ADGRG4: variants seen among roughly 807,000 people sequenced by gnomAD.
ADGRG4 encodes the protein G protein-coupled receptor 112.
ADGRG4 carries 122 observed loss-of-function variants against 126.2 expected under a neutral mutation model. That is an observed-to-expected ratio of 0.97 (90% CI 0.83 to 1.12). ADGRG4 has a LOEUF of 1.12. Ranked by LOEUF, ADGRG4 falls within the 50% of genes most tolerant of loss-of-function variation. ADGRG4 has a pLI of 0.00. For missense variants in ADGRG4, 2,481 were observed against 2,251.8 expected (o/e 1.10, Z -2.06); for synonymous variants, 943 against 838.7 (o/e 1.12, Z -2.15).
chrX:136,400,952 G>A (rs2075376439), intron 21 of ADGRG4, among the ~76,000 whole-genome samples: 1 of 111,922 alleles, frequency 8.9e-6, no homozygotes, highest in Non-Finnish European at 1.9e-5. Context: ...AGATGTGTAG[G>A]AGATGTATAT....
intron 5 of ADGRG4, among the ~76,000 whole-genome samples, chrX:136,326,504 T>A (rs1335057680): frequency 8.9e-6 from 1 of 111,795 alleles, no homozygotes. Flanking sequence ...CCTCCCACCG[T>A]ACAGGACTAT....
chrX:136,311,268 A>G (rs141247836), intron 4 of ADGRG4, among the ~76,000 whole-genome samples: 1 of 110,872 alleles, frequency 9.0e-6, no homozygotes, highest in Non-Finnish European at 1.9e-5. Flanking sequence ...GGGGAAACAA[A>G]CATTCAGTCC....
chrX:136,377,433 A>G (rs961013760), intron 15 of ADGRG4, among the ~76,000 whole-genome samples: 1 of 110,581 alleles, frequency 9.0e-6, no homozygotes, highest in Admixed American at 9.6e-5. Context: ...GGCTCAGGCA[A>G]TCCTCCCACC....
Position 136,344,836 on chromosome X carries a change from C to G in ADGRG4, c.1130C>G (p.Ser377Cys). Residue 377 changes from serine to cysteine, a missense_variant, in exon 6 of 26, where the codon TCC becomes TGC. Ser to Cys is a moderately radical substitution (Grantham distance 112, BLOSUM62 -1). Transcript: ENST00000394143. Reference sequence around the variant, plus strand: ...ACACCTTCTAATTTCCTATCCACATCCAGATTTACCAAGAATTCAGTTGTA... The same window carrying G: ...ACACCTTCTAATTTCCTATCCACATGCAGATTTACCAAGAATTCAGTTGTA... ...PPTPSNFLSTSRFTKNSVVST... is the reference protein window; with the variant it reads ...PPTPSNFLSTCRFTKNSVVST... The G allele has an allele frequency of 8.3e-7, 1 of 1,207,898 alleles. No individual in the cohort carries two copies. Among genetic ancestry groups the G allele is most frequent in the Non-Finnish European group, 1.1e-6 (1 of 891,909 alleles).
At position 136,350,201 on chromosome X, in the gene ADGRG4, C is replaced by G; in HGVS notation, c.6495C>G (p.Pro2165=). 8.3e-7 allele frequency: 1 copy of G among 1,209,144 alleles called. No individual in the cohort carries two copies. Among genetic ancestry groups the G allele is most frequent in the Non-Finnish European group, 1.1e-6 (1 of 893,287 alleles). The change falls in exon 6 of 26, where the codon CCC becomes CCG. Residue 2165 remains proline, a synonymous_variant. Coordinates refer to ENST00000394143, the MANE Select transcript of ADGRG4 (RefSeq NM_153834.4). Reference sequence around the variant, plus strand: ...ACAGAATTCCAACTGCATCATCACCCTCTACTTTAATTATTCCTAAGCCCA... The same window carrying G: ...ACAGAATTCCAACTGCATCATCACCGTCTACTTTAATTATTCCTAAGCCCA... ...SWNRIPTASS[P]STLIIPKPTL...
chrX:136,350,440 C>T lies in ADGRG4; in HGVS notation c.6727+7C>T, dbSNP rs377402878. The T allele has an allele frequency of 1.0e-5, 12 of 1,190,544 alleles. No individual in the cohort carries two copies. In the African/African-American group the frequency reaches 1.9e-4, roughly 19 times the overall value. On this transcript the variant is annotated splice_region_variant and intron_variant, in intron 6 of 25. Transcript: ENST00000394143. ...ACTGCCACCAAGTCCACAGGTACTG[C>T]TCCATAATGCATGTGGTGTAGCCCC...
Position 136,371,404 on chromosome X carries a change from G to C in ADGRG4, c.7473G>C (p.Lys2491Asn), listed in dbSNP as rs758050605. The C allele has an allele frequency of 5.9e-6, 7 of 1,192,430 alleles. No individual in the cohort carries two copies. The Admixed American group carries it at 8.8e-5, about 15-fold the overall frequency. The change falls in exon 14 of 26, where the codon AAG becomes AAC. Residue 2491 changes from lysine to asparagine, a missense_variant. Coordinates refer to ENST00000394143, the MANE Select transcript of ADGRG4 (RefSeq NM_153834.4). Reference sequence around the variant, plus strand: ...CAGCCCTGGGTAAAGAAGAGACAAAGATTATTGTTTCTAAAATATCAGATA... The same window carrying C: ...CAGCCCTGGGTAAAGAAGAGACAAACATTATTGTTTCTAAAATATCAGATA... Reference protein sequence around the residue: ...ESPALGKEETKIIVSKISDIS... With the variant: ...ESPALGKEETNIIVSKISDIS...
chrX:136,353,405 T>C lies in ADGRG4; in HGVS notation c.6887+4T>C. 8.6e-7 allele frequency: 1 copy of C among 1,167,172 alleles called. No homozygotes were observed. The highest frequency in any genetic ancestry group is 1.2e-6 in the Non-Finnish European group (1 of 855,378). On this transcript the variant is annotated splice_donor_region_variant and intron_variant, in intron 8 of 25. Coordinates refer to ENST00000394143, the MANE Select transcript of ADGRG4 (RefSeq NM_153834.4). Reference sequence around the variant, plus strand: ...TGGAAACCCAAATTAAAAGCAGGTATGTGAATGACATTTACTGTGGGTCAA... The same window carrying C: ...TGGAAACCCAAATTAAAAGCAGGTACGTGAATGACATTTACTGTGGGTCAA...
At chrX:136,395,184 A>C (rs1344847931) in intron 18 of ADGRG4, among the ~76,000 whole-genome samples, 1 of 111,627 alleles carries the variant, frequency 9.0e-6, no homozygotes, top group Non-Finnish European at 1.9e-5. Flanking sequence ...GGAGAGCCGA[A>C]GAAGTTGTGC....
chrX:136,352,994 G>A (rs2075072010), intron 7 of ADGRG4, among the ~76,000 whole-genome samples: 1 of 111,667 alleles, frequency 9.0e-6, no homozygotes, highest in African/African-American at 3.3e-5. Flanking sequence ...TTTCCTCTGT[G>A]CATACGCATC....
intron 5 of ADGRG4, among the ~76,000 whole-genome samples, chrX:136,336,832 G>T (rs1569319948): frequency 9.0e-6 from 1 of 111,699 alleles, no homozygotes; most frequent in Non-Finnish European, 1.9e-5. Flanking sequence ...GTTTCTCTTT[G>T]CATGGTTTTC....
chrX:136,401,577 AAAGATACAAT>A (rs1293387794), intron 21 of ADGRG4, among the ~76,000 whole-genome samples: 23 of 111,875 alleles, frequency 2.1e-4, no homozygotes, highest in African/African-American at 6.8e-4. Context: ...ATCAGTAAAG[AAAGATACAAT>A]AAGCCACTCT....
chrX:136,311,849 T>C (rs1482349732), intron 4 of ADGRG4, among the ~76,000 whole-genome samples: 1 of 111,020 alleles, frequency 9.0e-6, no homozygotes, highest in Non-Finnish European at 1.9e-5. Context: ...CTTTTCTTTT[T>C]TTAAAAAATT....
chrX:136,338,174 T>C (rs77049562), intron 5 of ADGRG4, among the ~76,000 whole-genome samples: 3 of 109,266 alleles, frequency 2.7e-5, no homozygotes, highest in African/African-American at 1.0e-4. Context: ...TTTTTTTTTT[T>C]CAATACAGAG....
chrX:136,319,138 C>T (rs901894385), intron 4 of ADGRG4, among the ~76,000 whole-genome samples: 3 of 112,463 alleles, frequency 2.7e-5, no homozygotes, highest in Admixed American at 9.4e-5. Context: ...CGGCAGAGAA[C>T]GCTACTTGCC....
At chrX:136,308,716 A>G (rs747373980) in intron 3 of ADGRG4, 53 bp from the exon 4 acceptor site, 19 of 687,394 alleles carry the variant, frequency 2.8e-5, no homozygotes, top group Non-Finnish European at 4.0e-5. Context: ...ACGCTTAGAA[A>G]TTGTATTTTC....
At chrX:136,321,755 T>G (rs1263897833) in intron 4 of ADGRG4, among the ~76,000 whole-genome samples, 1 of 111,982 alleles carries the variant, frequency 8.9e-6, no homozygotes, top group Non-Finnish European at 1.9e-5. Context: ...AATGTAAAGT[T>G]TCAAAGATAC....
intron 4 of ADGRG4, among the ~76,000 whole-genome samples, chrX:136,318,858 G>A (rs1305364117): frequency 8.9e-6 from 1 of 112,119 alleles, no homozygotes; most frequent in East Asian, 2.8e-4. Flanking sequence ...AAGAAAACAT[G>A]TACAGTATCA....
At chrX:136,383,818 CT>C (rs2075276303) in intron 15 of ADGRG4, among the ~76,000 whole-genome samples, 1 of 41,897 alleles carries the variant, frequency 2.4e-5, no homozygotes, top group Non-Finnish European at 4.2e-5. Context: ...ATTTGCCTTT[CT>C]TTCTTTCTTT....
Sources: allele counts gnomAD v4.1 joint callset (sites outside exome capture counted in the v4.1 genomes callset), GRCh38; gene constraint gnomAD v4.1.1; transcripts MANE v1.5; gene names NCBI Gene and HGNC (gene_info 2026-07-23, HGNC 2026-07-21).